The following CHODL variants were observed in gnomAD, a reference collection of about 807,000 sequenced individuals.
CHODL encodes chondrolectin, also known as transmembrane protein MT75.
In CHODL, 29 loss-of-function variants were observed where a neutral mutation model predicts 34.5. The ratio of observed to expected loss-of-function variants is 0.84; its 90% confidence interval spans 0.63 to 1.15. The LOEUF (loss-of-function observed/expected upper bound fraction) is 1.15. Ranked by LOEUF, CHODL falls within the 50% of genes most tolerant of loss-of-function variation. CHODL has a pLI of 0.00. For synonymous variants in CHODL, 125 were observed against 116.1 expected, an observed-to-expected ratio of 1.08 and a Z score of -0.49; for missense variants, 332 against 332.5, an observed-to-expected ratio of 1.00 and a Z score of 0.01.
intron 2 of CHODL, among the ~76,000 whole-genome samples, chr21:18,117,969 T>C (rs1395909427): frequency 1.3e-5 from 2 of 152,102 alleles, no homozygotes; most frequent in Non-Finnish European, 2.9e-5. Context: ...AAACCTGAAA[T>C]CATAAACCAT....
chr21:18,225,154 A>G (rs1265049179), intron 2 of CHODL, among the ~76,000 whole-genome samples: 1 of 152,156 alleles, frequency 6.6e-6, no homozygotes, highest in African/African-American at 2.4e-5. Context: ...ACATCTACAC[A>G]TTATTTTATA....
chr21:18,011,608 T>A (rs2064020684), intron 1 of CHODL, among the ~76,000 whole-genome samples: 1 of 152,178 alleles, frequency 6.6e-6, no homozygotes, highest in Non-Finnish European at 1.5e-5. Flanking sequence ...TGAAGGGCAA[T>A]ATTTTTATTT....
chr21:18,017,136 C>G (rs158059), intron 1 of CHODL, among the ~76,000 whole-genome samples: 62,395 of 152,002 alleles, frequency 0.41, 15,643 homozygotes, highest in African/African-American at 0.71. Context: ...TAAGACTTTG[C>G]GGGATTGTTG....
At chr21:18,105,740 A>G (rs1419050927) in intron 2 of CHODL, among the ~76,000 whole-genome samples, 2 of 152,238 alleles carry the variant, frequency 1.3e-5, no homozygotes, top group African/African-American at 2.4e-5. Flanking sequence ...AGAGAAAGAA[A>G]TACAATGCTT....
At chr21:17,932,413 T>A (rs1301758919) in intron 1 of CHODL, among the ~76,000 whole-genome samples, 1 of 152,178 alleles carries the variant, frequency 6.6e-6, no homozygotes. Flanking sequence ...CTCAAAGAAC[T>A]GAAAGTAGGA....
chr21:18,154,977 T>A (rs111991714), intron 2 of CHODL, among the ~76,000 whole-genome samples: 1 of 152,174 alleles, frequency 6.6e-6, no homozygotes, highest in Non-Finnish European at 1.5e-5. Flanking sequence ...GTCATCACCA[T>A]GTAGGGCATA....
At chr21:17,975,352 C>T (rs535086484) in intron 1 of CHODL, among the ~76,000 whole-genome samples, 3 of 151,864 alleles carry the variant, frequency 2.0e-5, no homozygotes, top group South Asian at 2.1e-4. Flanking sequence ...TGTTTATTAC[C>T]TGGGTGACAA....
intron 1 of CHODL, among the ~76,000 whole-genome samples, chr21:17,961,227 A>T (rs2063529961): frequency 6.6e-6 from 1 of 152,084 alleles, no homozygotes; most frequent in Non-Finnish European, 1.5e-5. Flanking sequence ...ATGTTCTCTT[A>T]CCTCTTCTTT....
chr21:18,183,954 T>G (rs2146680343), intron 2 of CHODL, among the ~76,000 whole-genome samples: 1 of 152,314 alleles, frequency 6.6e-6, no homozygotes, highest in Middle Eastern at 3.4e-3. Context: ...CCCCATGACT[T>G]TTTTCTTTTT....
At chr21:18,119,254 A>T (rs2065450323) in intron 2 of CHODL, among the ~76,000 whole-genome samples, 1 of 150,668 alleles carries the variant, frequency 6.6e-6, no homozygotes, top group South Asian at 2.1e-4. Context: ...ATCCCCAGTC[A>T]TCCGCTGATC....
At chr21:18,200,500 A>T (rs2073639347) in intron 2 of CHODL, among the ~76,000 whole-genome samples, 1 of 152,204 alleles carries the variant, frequency 6.6e-6, no homozygotes. Context: ...AAGTTATGTG[A>T]ACATGAGAAG....
chr21:18,024,049 G>A (rs1291716013), intron 1 of CHODL, among the ~76,000 whole-genome samples: 4 of 152,144 alleles, frequency 2.6e-5, no homozygotes, highest in African/African-American at 7.2e-5. Context: ...ATTGGCCAGA[G>A]ATTCTGACAT....
chr21:17,980,237 G>T (rs2063703477), intron 1 of CHODL, among the ~76,000 whole-genome samples: 1 of 151,972 alleles, frequency 6.6e-6, no homozygotes, highest in South Asian at 2.1e-4. Flanking sequence ...GAGCTTTTGG[G>T]CATTTATTTT....
Position 18,162,015 on chromosome 21 carries a change from C to T in CHODL, c.-44-94494C>T, listed in dbSNP as rs1257359784. On this transcript the variant is annotated intron_variant, in intron 2 of 6. Coordinates refer to the CHODL transcript ENST00000400127. Reference sequence around the variant, plus strand: ...CCACCCACAAGATATTGTCAGTTCCCTAGAAGCGCACTACCACCCTCCACC... The same window carrying T: ...CCACCCACAAGATATTGTCAGTTCCTTAGAAGCGCACTACCACCCTCCACC... 3.3e-5 allele frequency among the ~76,000 whole-genome samples: 5 copies of T among 152,308 alleles called. No individual in the cohort carries two copies. In the East Asian group the frequency reaches 9.6e-4, roughly 29 times the overall value.
chr21:18,157,363 T>G (rs1176095318), intron 2 of CHODL, among the ~76,000 whole-genome samples: 1 of 152,212 alleles, frequency 6.6e-6, no homozygotes, highest in Non-Finnish European at 1.5e-5. Context: ...CAGAAAAACA[T>G]TTTTATTTGT....
At chr21:18,093,096 G>T (rs1316227054) in intron 2 of CHODL, among the ~76,000 whole-genome samples, 1 of 152,076 alleles carries the variant, frequency 6.6e-6, no homozygotes, top group Non-Finnish European at 1.5e-5. Context: ...CAAGAGAAAA[G>T]AAACAAATAA....
rs1282308301 is a variant in CHODL, at chr21:18,021,547, T to C, written c.-144-6325T>C. ...TCAAAGGACTTCAGATTCTGGATTG[T>C]ATGTTAATAAATCATCTACATATTT... On this transcript the variant is annotated intron_variant, in intron 1 of 6. Coordinates refer to the CHODL transcript ENST00000400127. 2.6e-5 allele frequency among the ~76,000 whole-genome samples: 4 copies of C among 152,204 alleles called. No individual in the cohort carries two copies. In the East Asian group the frequency reaches 7.7e-4, roughly 29 times the overall value.
chr21:18,059,357 G>A (rs2064626709), intron 2 of CHODL, among the ~76,000 whole-genome samples: 1 of 152,140 alleles, frequency 6.6e-6, no homozygotes, highest in East Asian at 1.9e-4. Flanking sequence ...CCAGTCTGTG[G>A]TATTTTGTTA....
intron 1 of CHODL, among the ~76,000 whole-genome samples, chr21:18,006,679 C>A (rs541534649): frequency 1.2e-4 from 19 of 152,292 alleles, no homozygotes; most frequent in African/African-American, 4.3e-4. Context: ...GATGAGATTA[C>A]CCCTAGACCA....
Sources: allele counts gnomAD v4.1 joint callset (sites outside exome capture counted in the v4.1 genomes callset), GRCh38; gene constraint gnomAD v4.1.1; transcripts MANE v1.5; gene names NCBI Gene and HGNC (gene_info 2026-07-23, HGNC 2026-07-21).